The following GANC variants were observed in gnomAD, a reference collection of about 807,000 sequenced individuals.
The protein encoded by GANC is neutral alpha-glucosidase C.
A neutral mutation model predicts 124.2 loss-of-function variants in GANC; 117 were observed. The observed-to-expected ratio is 0.94, with a 90% CI of 0.81 to 1.10. The LOEUF (loss-of-function observed/expected upper bound fraction) is 1.10. Ranked by LOEUF, GANC falls within the 50% of genes least tolerant of loss-of-function variation. GANC has a pLI of 0.00. For synonymous variants in GANC, 377 were observed against 376.8 expected (o/e 1.00, Z -0.01); for missense variants, 1,140 against 1,095.0 (o/e 1.04, Z -0.58).
chr15:42,299,552 T>C (rs1488714300), intron 6 of GANC, among the ~76,000 whole-genome samples: 1 of 152,216 alleles, frequency 6.6e-6, no homozygotes, highest in Non-Finnish European at 1.5e-5. Flanking sequence ...ATAGATTCAA[T>C]GCTATTCCCA....
chr15:42,294,862 G>A (rs1319021972), intron 5 of GANC, among the ~76,000 whole-genome samples: 1 of 150,892 alleles, frequency 6.6e-6, no homozygotes, highest in Admixed American at 6.6e-5. Flanking sequence ...TTTACAACTA[G>A]TTAGTTTACT....
chr15:42,313,908 T>C, intron 10 of GANC: 2 of 601,478 alleles, frequency 3.3e-6, no homozygotes. Context: ...GCACTGTTCA[T>C]GCTGCTGCTC....
Position 42,273,354 on chromosome 15 carries a change from C to A in GANC, c.-1128C>A, listed in dbSNP as rs768540778. On this transcript the variant is annotated 5_prime_UTR_variant, in exon 1 of 24. Transcript: ENST00000318010. ...GTGGTGACGGGTGAGCTCCCAGAAG[C>A]AGAAGAATGACAGGCAACACCTGAA... 4 of 1,614,054 alleles carry A rather than the reference C, an allele frequency of 2.5e-6. No individual in the cohort carries two copies. The East Asian group carries it at 8.9e-5, about 36-fold the overall frequency.
At position 42,297,633 on chromosome 15, in the gene GANC, G is replaced by A. The variant is rs753674377; in HGVS notation, c.535G>A (p.Glu179Lys). The A allele has an allele frequency of 5.0e-6, 8 of 1,612,144 alleles. No individual in the cohort carries two copies. Among genetic ancestry groups the A allele is most frequent in the South Asian group, 1.1e-5 (1 of 90,862 alleles). Residue 179 changes from glutamate (E) to lysine (K), a missense_variant, in exon 6 of 24, where the codon GAG (glutamate) becomes AAG (lysine). Coordinates refer to ENST00000318010, the MANE Select transcript of GANC (RefSeq NM_198141.3). ...CAGAGCTGCTAAAGAAAATGAGGAGGAGACATCAGTGGACACCTCTCAGGT... is the reference window on the plus strand; with the variant it reads ...CAGAGCTGCTAAAGAAAATGAGGAGAAGACATCAGTGGACACCTCTCAGGT... ...KQRAAKENEEETSVDTSQENQ... is the reference protein window; with the variant it reads ...KQRAAKENEEKTSVDTSQENQ...
chr15:42,330,476 C>T, intron 14 of GANC, 100 bp from the exon 15 acceptor site: 1 of 732,658 alleles, frequency 1.4e-6, no homozygotes, highest in Non-Finnish European at 2.4e-6. Context: ...CCATTTCATG[C>T]TCCTGCCTAC....
chr15:42,292,332 C>G (rs895408128), intron 4 of GANC, among the ~76,000 whole-genome samples: 7 of 149,978 alleles, frequency 4.7e-5, no homozygotes, highest in Admixed American at 1.3e-4. Flanking sequence ...CCTTCCAGAC[C>G]AAGGTGATGA....
intron 3 of GANC, among the ~76,000 whole-genome samples, chr15:42,279,649 T>A (rs1330430190): frequency 2.6e-5 from 4 of 152,206 alleles, no homozygotes; most frequent in African/African-American, 9.6e-5. Context: ...CACTTTCAGA[T>A]CCTGCCTGCA....
chr15:42,288,912 A>T (rs185887732), intron 4 of GANC, among the ~76,000 whole-genome samples: 1 of 152,160 alleles, frequency 6.6e-6, no homozygotes, highest in Non-Finnish European at 1.5e-5. Context: ...TGGCCACAGT[A>T]TGTTATTTTC....
intron 16 of GANC, 98 bp downstream of exon 16, chr15:42,338,588 G>A (rs2052302563): frequency 2.3e-6 from 2 of 854,576 alleles, no homozygotes; most frequent in Admixed American, 2.0e-5. Flanking sequence ...AGCTGTTGTG[G>A]GCAGACATAA....
chr15:42,327,031 T>C (rs942018922), intron 12 of GANC, among the ~76,000 whole-genome samples: 1 of 152,188 alleles, frequency 6.6e-6, no homozygotes, highest in African/African-American at 2.4e-5. Flanking sequence ...TTGAACACAA[T>C]TCCCTGTTCT....
chr15:42,282,182 A>G (rs184659161), intron 3 of GANC, among the ~76,000 whole-genome samples: 4 of 152,262 alleles, frequency 2.6e-5, no homozygotes, highest in Non-Finnish European at 4.4e-5. Flanking sequence ...TTAGCCAGGC[A>G]TGGTGGCATG....
At chr15:42,285,305 G>A (rs941121923) in intron 3 of GANC, among the ~76,000 whole-genome samples, 3 of 152,178 alleles carry the variant, frequency 2.0e-5, no homozygotes, top group African/African-American at 7.2e-5. Flanking sequence ...AGGGAAGGCA[G>A]GGGACTCTAA....
At chr15:42,293,591 T>C (rs2051864501) in intron 5 of GANC, among the ~76,000 whole-genome samples, 1 of 150,906 alleles carries the variant, frequency 6.6e-6, no homozygotes, top group Non-Finnish European at 1.5e-5. Flanking sequence ...TACTTGTTCA[T>C]CATAGGCAGA....
Position 42,352,050 on chromosome 15 carries a change from G to A in GANC, c.2656G>A (p.Ala886Thr). 3.1e-6 allele frequency: 5 copies of A among 1,614,082 alleles called. No homozygotes were observed. The highest frequency in any genetic ancestry group is 4.2e-6 in the Non-Finnish European group (5 of 1,179,994). The change falls in exon 24 of 24, where the codon GCT (alanine) becomes ACT (threonine). Residue 886 changes from alanine to threonine, a missense_variant. Coordinates refer to ENST00000318010, the MANE Select transcript of GANC (RefSeq NM_198141.3). The stretch of plus-strand genomic sequence containing the variant: ...TTTAGATGGTAAAGATCAGCCTGTG[G>A]CTTTTACGTATTGTGCCAAAACATC... ...HSSDGKDQPV[A>T]FTYCAKTSIL...
chr15:42,320,553 G>T (rs946991311), intron 10 of GANC, among the ~76,000 whole-genome samples: 1 of 152,020 alleles, frequency 6.6e-6, no homozygotes, highest in Admixed American at 6.5e-5. Flanking sequence ...GGTTCAAGCA[G>T]TTCTCCTGCC....
rs76540793 is a variant in GANC, at chr15:42,352,592, G to A, written c.*453G>A. On this transcript the variant is annotated 3_prime_UTR_variant, in exon 24 of 24. Transcript: ENST00000318010. The stretch of plus-strand genomic sequence containing the variant: ...ACAGCAGCCTCTGGTACTCCCCCCA[G>A]TTATCTTCCACCCACATGGACTGGG... 85,251 of 1,007,254 alleles carry A rather than the reference G, an allele frequency of 0.085. 4,073 individuals are homozygous for A. Among genetic ancestry groups the A allele is most frequent in the South Asian group, 0.19 (4,589 of 23,672 alleles). 62.4% of individuals were successfully genotyped at this position (1,007,254 alleles called of 1,614,324 possible).
intron 10 of GANC, among the ~76,000 whole-genome samples, chr15:42,321,275 C>A (rs1307945403): frequency 6.6e-6 from 1 of 152,100 alleles, no homozygotes; most frequent in Non-Finnish European, 1.5e-5. Context: ...ATTACAGGGC[C>A]CTTGACAATC....
chr15:42,275,776 G>A (rs771649255), intron 1 of GANC, among the ~76,000 whole-genome samples: 13 of 152,102 alleles, frequency 8.5e-5, no homozygotes, highest in Non-Finnish European at 1.8e-4. Context: ...CCCCTTCTAC[G>A]TCTGTTCTGT....
chr15:42,322,613 A>AG (rs888881368), intron 11 of GANC, among the ~76,000 whole-genome samples: 2 of 152,172 alleles, frequency 1.3e-5, no homozygotes, highest in South Asian at 2.1e-4. Context: ...CCGAAGGGTA[A>AG]GGGGGGAGTA....
Sources: allele counts gnomAD v4.1 joint callset (sites outside exome capture counted in the v4.1 genomes callset), GRCh38; gene constraint gnomAD v4.1.1; transcripts MANE v1.5; gene names NCBI Gene and HGNC (gene_info 2026-07-23, HGNC 2026-07-21).